The following FAT4 variants were observed in gnomAD, a reference collection of about 807,000 sequenced individuals.
The protein encoded by FAT4 is protocadherin Fat 4.
FAT4 carries 84 observed loss-of-function variants against 303.9 expected under a neutral mutation model. That is an observed-to-expected ratio of 0.28 (90% CI 0.23 to 0.33). The LOEUF (loss-of-function observed/expected upper bound fraction) is 0.33, where lower values mean the gene tolerates loss of function less well. FAT4 is among the 10% of genes least tolerant of loss of function. The pLI is 1.00. For synonymous variants in FAT4, 2,307 were observed against 2,298.8 expected (o/e 1.00, Z -0.10); for missense variants, 6,005 against 6,146.8 (o/e 0.98, Z 0.77).
chr4:125,492,897 A>G lies in FAT4; in HGVS notation c.*1129A>G, dbSNP rs1218502365. On this transcript the variant is annotated 3_prime_UTR_variant, in exon 18 of 18. Transcript: ENST00000394329. ...CATACTGTATGCTTTCTACTTGTAA[A>G]TGTCAACAATAGAATTAAAATATTT... 1 of 152,478 alleles carries G rather than the reference A, an allele frequency of 6.6e-6. No homozygotes were observed. Among genetic ancestry groups the G allele is most frequent in the African/African-American group, 2.4e-5 (1 of 41,426 alleles). 9.4% of individuals were successfully genotyped at this position (152,478 alleles called of 1,614,324 possible).
intron 2 of FAT4, among the ~76,000 whole-genome samples, chr4:125,378,401 A>G (rs1267562304): frequency 6.6e-6 from 1 of 152,142 alleles, no homozygotes; most frequent in African/African-American, 2.4e-5. Flanking sequence ...TTATGGAGGC[A>G]TAGTTATTTT....
intron 12 of FAT4, among the ~76,000 whole-genome samples, chr4:125,471,702 T>G (rs547296513): frequency 5.0e-4 from 76 of 151,728 alleles, no homozygotes; most frequent in Non-Finnish European, 8.7e-4. Context: ...AATAAGAAAA[T>G]GCTAACAAAT....
intron 8 of FAT4, among the ~76,000 whole-genome samples, chr4:125,444,673 T>TG: frequency 6.6e-6 from 1 of 151,684 alleles, no homozygotes; most frequent in South Asian, 2.1e-4. Context: ...ATTTATGTTT[T>TG]TTATCAATCT....
intron 7 of FAT4, among the ~76,000 whole-genome samples, chr4:125,426,999 A>T (rs1231733625): frequency 6.6e-6 from 1 of 151,908 alleles, no homozygotes; most frequent in Non-Finnish European, 1.5e-5. Flanking sequence ...TAAATATATA[A>T]TTTGATATTT....
Position 125,449,778 on chromosome 4 carries a change from A to T in FAT4, c.8768A>T (p.Asn2923Ile). Residue 2923 changes from asparagine (N) to isoleucine (I), a missense_variant, in exon 10 of 18, where the codon AAT (asparagine) becomes ATT (isoleucine). Coordinates refer to ENST00000394329, the MANE Select transcript of FAT4 (RefSeq NM_001291303.3). ...IKSQSEYFRI[N>I]ATTGEIFNKQ... ...TCCCAATCAGAATATTTCAGGATTA[A>T]TGCCACCACTGGAGAGATTTTCAAT... 1 of 1,613,808 alleles carries T rather than the reference A, an allele frequency of 6.2e-7. No individual in the cohort carries two copies. Among genetic ancestry groups the T allele is most frequent in the Non-Finnish European group, 8.5e-7 (1 of 1,179,886 alleles).
chr4:125,402,405 A>G lies in FAT4; in HGVS notation c.5307+3490A>G, dbSNP rs528899759. On this transcript the variant is annotated intron_variant, in intron 3 of 17. Coordinates refer to ENST00000394329, the MANE Select transcript of FAT4 (RefSeq NM_001291303.3). ...CAGAACAAATGTACAGAGTGTGGTCAGATGAGAATTCTCACATGCTTATTG... is the reference window on the plus strand; with the variant it reads ...CAGAACAAATGTACAGAGTGTGGTCGGATGAGAATTCTCACATGCTTATTG... Among the ~76,000 whole-genome samples, 15 of 152,162 alleles carry G rather than the reference A, an allele frequency of 9.9e-5. 1 individual carries two copies. The South Asian group carries it at 3.1e-3, about 32-fold the overall frequency.
intron 8 of FAT4, among the ~76,000 whole-genome samples, chr4:125,435,485 T>C (rs1725420036): frequency 6.6e-6 from 1 of 152,240 alleles, no homozygotes; most frequent in Non-Finnish European, 1.5e-5. Context: ...AGCTGATTCA[T>C]GTCTTATTTT....
rs1725820460 is a variant in FAT4, at chr4:125,446,191, T to C, written c.7200-102T>C. 5 of 956,978 alleles carry C rather than the reference T, an allele frequency of 5.2e-6. No individual in the cohort carries two copies. In the South Asian group the frequency reaches 7.0e-5, roughly 13 times the overall value. 59.3% of individuals were successfully genotyped at this position (956,978 alleles called of 1,614,324 possible). The stretch of plus-strand genomic sequence containing the variant: ...CAACATTGTTGTATGATCTTTCTTG[T>C]AACGTTTTCTTGCATTTCTACCTCA... On this transcript the variant is annotated intron_variant, in intron 8 of 17. Coordinates refer to ENST00000394329, the MANE Select transcript of FAT4 (RefSeq NM_001291303.3).
chr4:125,429,561 G>A (rs569937315), intron 7 of FAT4, among the ~76,000 whole-genome samples: 1 of 152,112 alleles, frequency 6.6e-6, no homozygotes, highest in South Asian at 2.1e-4. Flanking sequence ...AGTTCTTTGG[G>A]TCTTAAGTTG....
At position 125,415,503 on chromosome 4, in the gene FAT4, T is replaced by C; in HGVS notation, c.6540T>C (p.Asp2180=). Residue 2180 remains aspartate, a synonymous_variant, in exon 6 of 18, where the codon GAT becomes GAC. Coordinates refer to ENST00000394329, the MANE Select transcript of FAT4 (RefSeq NM_001291303.3). ...ATATAATACAAGTGTTCGCAGCAGA[T>C]GGAGATGAAGGCACAAATGGACAGG... ...GTDIIQVFAA[D]GDEGTNGQVR... 6.2e-7 allele frequency: 1 copy of C among 1,614,122 alleles called. No homozygotes were observed. Among genetic ancestry groups the C allele is most frequent in the South Asian group, 1.1e-5 (1 of 91,086 alleles).
chr4:125,318,129 T>G lies in FAT4; in HGVS notation c.1718T>G (p.Leu573Arg). Residue 573 changes from leucine to arginine, a missense_variant, in exon 2 of 18, where the codon CTA becomes CGA. Coordinates refer to ENST00000394329, the MANE Select transcript of FAT4 (RefSeq NM_001291303.3). ...VSYAQLVVTL[L>R]DVNDEKPVFS... is the part of the protein sequence containing the mutation. Reference sequence around the variant, plus strand: ...TATGCCCAGCTTGTAGTAACTCTCCTAGATGTGAATGATGAAAAGCCAGTA... The same window carrying G: ...TATGCCCAGCTTGTAGTAACTCTCCGAGATGTGAATGATGAAAAGCCAGTA... 1 of 1,614,102 alleles carries G rather than the reference T, an allele frequency of 6.2e-7. No individual in the cohort carries two copies. The highest frequency in any genetic ancestry group is 8.5e-7 in the Non-Finnish European group (1 of 1,180,018).
intron 7 of FAT4, among the ~76,000 whole-genome samples, chr4:125,424,756 A>G (rs2126035839): frequency 6.6e-6 from 1 of 152,324 alleles, no homozygotes; most frequent in Non-Finnish European, 1.5e-5. Flanking sequence ...AATATAGTAT[A>G]TAGATTGGGA....
At position 125,315,437 on chromosome 4, in the gene FAT4, G is replaced by A. The variant is rs1472564090; in HGVS notation, c.-553G>A. Reference sequence around the variant, plus strand: ...CTAGAGTGGGCTTCTGACTGGGGCCGCCGGAGAACGACCCCCCCTGGCATG... The same window carrying A: ...CTAGAGTGGGCTTCTGACTGGGGCCACCGGAGAACGACCCCCCCTGGCATG... On this transcript the variant is annotated 5_prime_UTR_variant, in exon 1 of 18. Transcript: ENST00000394329. 6.6e-6 allele frequency among the ~76,000 whole-genome samples: 1 copy of A among 152,112 alleles called. No homozygotes were observed. Among genetic ancestry groups the A allele is most frequent in the Non-Finnish European group, 1.5e-5 (1 of 67,994 alleles).
At chr4:125,485,901 T>C (rs1727392020) in intron 16 of FAT4, among the ~76,000 whole-genome samples, 1 of 152,066 alleles carries the variant, frequency 6.6e-6, no homozygotes, top group Non-Finnish European at 1.5e-5. Flanking sequence ...TCATTGACTG[T>C]TTATTAATAA....
chr4:125,367,923 G>A (rs979404732), intron 2 of FAT4, among the ~76,000 whole-genome samples: 4 of 152,148 alleles, frequency 2.6e-5, no homozygotes, highest in Admixed American at 2.0e-4. Context: ...CAGGTAGGTA[G>A]AGATTATGAA....
intron 2 of FAT4, among the ~76,000 whole-genome samples, chr4:125,382,361 T>G (rs1733574419): frequency 6.6e-6 from 1 of 152,200 alleles, no homozygotes; most frequent in Non-Finnish European, 1.5e-5. Context: ...GGATGCTGTG[T>G]TACCAGGAAT....
intron 12 of FAT4, among the ~76,000 whole-genome samples, chr4:125,473,135 A>G (rs913553071): frequency 2.6e-5 from 4 of 152,194 alleles, no homozygotes; most frequent in African/African-American, 7.2e-5. Context: ...CCACATTTCC[A>G]TATTATTGTA....
intron 2 of FAT4, among the ~76,000 whole-genome samples, chr4:125,335,844 C>G (rs1360697988): frequency 6.6e-6 from 1 of 151,942 alleles, no homozygotes; most frequent in Non-Finnish European, 1.5e-5. Flanking sequence ...ACCACAGTAC[C>G]TTTATCTGTT....
chr4:125,490,600 A>C lies in FAT4; in HGVS notation c.13784A>C (p.Tyr4595Ser), dbSNP rs1304763341. ...IIERENPYLI[Y>S]DETDIPHNSE... ...GAAAGGGAAAACCCCTACCTTATCT[A>C]TGATGAAACTGATATTCCTCACAAC... The change falls in exon 18 of 18, where the codon TAT (tyrosine) becomes TCT (serine). Residue 4595 changes from tyrosine (Y) to serine (S), a missense_variant. Physicochemically the swap from Tyr to Ser is moderately radical, Grantham distance 144. Coordinates refer to ENST00000394329, the MANE Select transcript of FAT4 (RefSeq NM_001291303.3). 1 of 1,614,062 alleles carries C rather than the reference A, an allele frequency of 6.2e-7. No individual in the cohort carries two copies. Among genetic ancestry groups the C allele is most frequent in the African/African-American group, 1.3e-5 (1 of 74,920 alleles).
Sources: allele counts gnomAD v4.1 joint callset (sites outside exome capture counted in the v4.1 genomes callset), GRCh38; gene constraint gnomAD v4.1.1; transcripts MANE v1.5; gene names NCBI Gene and HGNC (gene_info 2026-07-23, HGNC 2026-07-21).